The following KANK3 variants were observed in gnomAD, a reference collection of about 807,000 sequenced individuals.
KANK3 encodes the protein KN motif and ankyrin repeat domains 3.
A neutral mutation model predicts 65.4 loss-of-function variants in KANK3; 61 were observed. The ratio of observed to expected loss-of-function variants is 0.93; its 90% CI spans 0.76 to 1.15. The LOEUF is 1.15. KANK3 is among the 50% of genes most tolerant of loss of function. The pLI is 0.00. For missense variants in KANK3, 1,187 were observed against 1,178.8 expected, an observed-to-expected ratio of 1.01 and a Z score of -0.10; for synonymous variants, 586 against 543.3, an observed-to-expected ratio of 1.08 and a Z score of -1.09.
At chr19:8,332,985 T>TGGTG in intron 7 of KANK3, 29 bp downstream of exon 7, 1 of 585,692 alleles carries the variant, frequency 1.7e-6, no homozygotes, top group Non-Finnish European at 3.2e-6. Context: ...CATTTCCTGG[T>TGGTG]GTCCCACCCA....
Position 8,333,150 on chromosome 19 carries a change from C to A in KANK3, c.1800G>T (p.Met600Ile), listed in dbSNP as rs565484440. The change falls in exon 7 of 11, where the codon ATG (methionine) becomes ATT (isoleucine). Residue 600 changes from methionine (M) to isoleucine (I), a missense_variant. Physicochemically the swap from Met to Ile is conservative, Grantham distance 10. Transcript: ENST00000330915. This position sits in a 1 kb window ranked among gnomAD's most constrained non-coding sequence, Gnocchi z 5.0. ...GTCCCAGGCGCCTCACCCCTTCCAGCATCCTGGCCACGGGCTCCGCCTGAG... is the reference window on the plus strand; with the variant it reads ...GTCCCAGGCGCCTCACCCCTTCCAGAATCCTGGCCACGGGCTCCGCCTGAG... The part of the protein sequence containing the change: ...RRSQAEPVAR[M>I]LEGVRRLGPE... 4 of 1,612,970 alleles carry A rather than the reference C, an allele frequency of 2.5e-6. No individual in the cohort carries two copies. Among genetic ancestry groups the A allele is most frequent in the Non-Finnish European group, 3.4e-6 (4 of 1,179,958 alleles).
Position 8,323,974 on chromosome 19 carries a change from A to G in KANK3, c.2382+475T>C, listed in dbSNP as rs77502274. Among the ~76,000 whole-genome samples, 590 of 152,258 alleles carry G rather than the reference A, an allele frequency of 3.9e-3. 2 individuals are homozygous for G. The highest frequency in any genetic ancestry group is 5.0e-3 in the Non-Finnish European group (339 of 68,016). On this transcript the variant is annotated intron_variant, in intron 10 of 10. Transcript: ENST00000330915. ...CAAAGGGCTCCTTTTTCCTTTGATA[A>G]GAGCCTCCCTGGCAGTAGGTAACAG...
intron 10 of KANK3, 56 bp downstream of exon 10, chr19:8,324,390 ATCC>A: frequency 1.4e-6 from 2 of 1,473,186 alleles, no homozygotes; most frequent in Non-Finnish European, 1.9e-6. Context: ...CATATTTACT[ATCC>A]TCTGCAAACT....
In KANK3 at chr19:8,333,296, G is replaced by A; in HGVS notation, c.1720-66C>T. On this transcript the variant is annotated intron_variant, in intron 6 of 10. Coordinates refer to ENST00000330915, the MANE Select transcript of KANK3 (RefSeq NM_198471.3). This position sits in a 1 kb window ranked among gnomAD's most constrained non-coding sequence, Gnocchi z 5.0. ...ACGGCGGCGCCGTGGTGGGGGAGCT[G>A]GGGAGGGGCGGGACTGGGAAGAGAC... is the stretch of plus-strand genomic sequence containing the variant. 7.6e-7 allele frequency: 1 copy of A among 1,318,982 alleles called. No individual in the cohort carries two copies. The highest frequency in any genetic ancestry group is 1.1e-6 in the Non-Finnish European group (1 of 951,744). The allele number at this position is 1,318,982 out of a possible 1,614,324, so 81.7% of individuals were successfully genotyped here.
Position 8,335,130 on chromosome 19 carries a change from G to T in KANK3, c.697C>A (p.Pro233Thr), listed in dbSNP as rs1970610642. ...GGGCGCGTCTCAGCCTCCCCGTCCG[G>T]CTCGGGCTGCGCGCGCCCGGCCAGC... ...RLLAGRAQPE[P>T]DGEAETRPDK... Residue 233 changes from proline to threonine, a missense_variant, in exon 3 of 11, where the codon CCG (proline) becomes ACG (threonine). Around this residue, in one of 3 missense-constraint regions of KANK3, gnomAD observed 1,078 missense variants for 1,038.2 expected, o/e 1.04. Coordinates refer to ENST00000330915, the MANE Select transcript of KANK3 (RefSeq NM_198471.3). The T allele has an allele frequency of 1.6e-6, 2 of 1,240,640 alleles. No homozygotes were observed. The highest frequency in any genetic ancestry group is 4.4e-5 in the Admixed American group (1 of 22,962). The allele number at this position is 1,240,640 out of a possible 1,614,324, so 76.9% of individuals were successfully genotyped here.
chr19:8,329,492 C>CAAAAAAAAAAAAAAAAA (rs59607185), intron 7 of KANK3, among the ~76,000 whole-genome samples: 9 of 51,124 alleles, frequency 1.8e-4, no homozygotes, highest in African/African-American at 5.8e-4. Context: ...GACTCGGCCT[C>CAAAAAAAAAAAAAAAAA]AAAAAAAAAA....
At chr19:8,325,296 CTTTTTTTTTTT>C (rs573315741) in intron 7 of KANK3, among the ~76,000 whole-genome samples, 200 bp from the exon 8 acceptor site, 4 of 78,636 alleles carry the variant, frequency 5.1e-5, no homozygotes, top group South Asian at 5.9e-4. Context: ...CCTGTTTCAT[CTTTTTTTTTTT>C]TTTTTTTTTT....
Position 8,340,291 on chromosome 19 carries a change from T to TATATATATATATAC in KANK3, c.-28-2436_-28-2435insGTATATATATATAT, listed in dbSNP as rs1472181365. Among the ~76,000 whole-genome samples the TATATATATATATAC allele has an allele frequency of 6.7e-3, 619 of 92,746 alleles. 3 individuals are homozygous for TATATATATATATAC. Among genetic ancestry groups the TATATATATATATAC allele is most frequent in the Non-Finnish European group, 9.2e-3 (436 of 47,378 alleles). 60.8% of individuals were successfully genotyped at this position (92,746 alleles called of 152,430 possible). A position where few individuals can be genotyped will look rare whatever the true frequency, so the allele number is the denominator to read the frequency against. ...AAAAAAAACCATATATATATATATA[T>TATATATATATATAC]ACACACACACACACACACACACACA... On this transcript the variant is annotated intron_variant, in intron 1 of 10. Transcript: ENST00000330915.
chr19:8,335,442 G>A lies in KANK3; in HGVS notation c.385C>T (p.Arg129Cys). Residue 129 changes from arginine to cysteine, a missense_variant, in exon 3 of 11, where the codon CGC becomes TGC. Physicochemically the swap from Arg to Cys is radical, Grantham distance 180. Transcript: ENST00000330915. ...GTCTCCCGGAGCGTGTGCTCGACGCGCGGGTTGCGCACGGGCGCGCGCGGC... is the reference window on the plus strand; with the variant it reads ...GTCTCCCGGAGCGTGTGCTCGACGCACGGGTTGCGCACGGGCGCGCGCGGC... ...LSPRAPVRNP[R>C]VEHTLRETSR... 1 of 1,220,534 alleles carries A rather than the reference G, an allele frequency of 8.2e-7. No individual in the cohort carries two copies. Among genetic ancestry groups the A allele is most frequent in the Non-Finnish European group, 1.0e-6 (1 of 979,220 alleles). 75.6% of individuals were successfully genotyped at this position (1,220,534 alleles called of 1,614,324 possible).
rs536652894 is a variant in KANK3 at position 8,333,267 on chromosome 19, G to GGGA, written c.1720-38_1720-37insTCC. On this transcript the variant is annotated intron_variant, in intron 6 of 10. Transcript: ENST00000330915. This position sits in a 1 kb window ranked among gnomAD's most constrained non-coding sequence, Gnocchi z 5.0. Reference sequence around the variant, plus strand: ...AGGGGCCAAGATAACATCGGCGATGGTCCACGGCGGCGCCGTGGTGGGGGA... The same window carrying GGGA: ...AGGGGCCAAGATAACATCGGCGATGGGGATCCACGGCGGCGCCGTGGTGGGGGA... The GGGA allele has an allele frequency of 1.3e-6, 2 of 1,537,876 alleles. No individual in the cohort carries two copies. The highest frequency in any genetic ancestry group is 2.3e-5 in the South Asian group (2 of 86,692).
At chr19:8,327,294 G>A (rs1396528630) in intron 7 of KANK3, among the ~76,000 whole-genome samples, 2 of 152,058 alleles carry the variant, frequency 1.3e-5, no homozygotes, top group South Asian at 2.1e-4. Context: ...TTGAGGCCAG[G>A]AGTCTGAGGC....
intron 10 of KANK3, chr19:8,323,329 T>C (rs192650326): frequency 6.4e-6 from 1 of 157,382 alleles, no homozygotes; most frequent in Non-Finnish European, 1.4e-5. Context: ...ATGTCTTATG[T>C]AATTTATTGA....
intron 7 of KANK3, among the ~76,000 whole-genome samples, chr19:8,326,518 T>A (rs1599641461): frequency 7.1e-6 from 1 of 140,874 alleles, no homozygotes; most frequent in African/African-American, 2.6e-5. Context: ...CCAGGTGCAG[T>A]GGCTCACGCC....
At chr19:8,343,106 C>A (rs1425021283) in intron 1 of KANK3, 119 bp downstream of exon 1, 1 of 152,284 alleles carries the variant, frequency 6.6e-6, no homozygotes, top group East Asian at 1.9e-4. Flanking sequence ...CCCGCCCCGT[C>A]GCAGCGGGCA....
chr19:8,336,665 G>A (rs1249460327), intron 2 of KANK3, among the ~76,000 whole-genome samples: 2 of 150,446 alleles, frequency 1.3e-5, no homozygotes, highest in African/African-American at 4.9e-5. Context: ...ACTTGAGCCT[G>A]GGAGGCAGAG....
In KANK3 at chr19:8,324,988, A is replaced by C; in HGVS notation, c.2045T>G (p.Leu682Arg). ...GGCATTGACATCACCCATGCAGAAG[A>C]GTCTCTGGACCACAGCCATGTCCTC... ...EEEDMAVVQR[L>R]FCMGDVNAKA... Residue 682 changes from leucine (L) to arginine (R), a missense_variant, in exon 8 of 11, where the codon CTC (leucine) becomes CGC (arginine). By Grantham distance (102) the Leu-to-Arg change is moderately radical (BLOSUM62 -2). Around this residue, in one of 3 missense-constraint regions of KANK3, gnomAD observed 1,078 missense variants for 1,038.2 expected, o/e 1.04. Coordinates refer to ENST00000330915, the MANE Select transcript of KANK3 (RefSeq NM_198471.3). The C allele has an allele frequency of 6.2e-7, 1 of 1,612,900 alleles. No homozygotes were observed. The highest frequency in any genetic ancestry group is 1.3e-5 in the African/African-American group (1 of 74,352).
chr19:8,331,476 A>C (rs1970524469), intron 7 of KANK3, among the ~76,000 whole-genome samples: 1 of 152,130 alleles, frequency 6.6e-6, no homozygotes, highest in African/African-American at 2.4e-5. Flanking sequence ...GGGGGCAGGC[A>C]GTGGGACCCG....
In KANK3 at chr19:8,324,850, A is replaced by C; in HGVS notation, c.2083-20T>G. The C allele has an allele frequency of 6.2e-7, 1 of 1,605,658 alleles. No individual in the cohort carries two copies. The highest frequency in any genetic ancestry group is 8.5e-7 in the Non-Finnish European group (1 of 1,174,618). ...CCCCGTCTGGGGAGTGGGGAGGAAG[A>C]GGGAACAGGCTGGGGTAGGCTCAGG... On this transcript the variant is annotated intron_variant, in intron 8 of 10. Transcript: ENST00000330915.
intron 10 of KANK3, among the ~76,000 whole-genome samples, chr19:8,323,790 G>C (rs1293197082): frequency 6.6e-6 from 1 of 152,178 alleles, no homozygotes; most frequent in Non-Finnish European, 1.5e-5. Flanking sequence ...ACCTGTACAG[G>C]ATGAGTGGGC....
Sources: allele counts gnomAD v4.1 joint callset (sites outside exome capture counted in the v4.1 genomes callset), GRCh38; gene constraint gnomAD v4.1.1; regional missense constraint gnomAD v4.1.1; non-coding constraint Gnocchi (gnomAD v3.1); transcripts MANE v1.5; gene names NCBI Gene and HGNC (gene_info 2026-07-23, HGNC 2026-07-21).